TCIRG1: variants seen among roughly 807,000 people sequenced by gnomAD.
TCIRG1 encodes the protein V-type proton ATPase 116 kDa subunit a 3.
In TCIRG1, 86 loss-of-function variants were observed where a neutral mutation model predicts 95.5. The observed-to-expected ratio is 0.90, with a 90% CI of 0.76 to 1.08. The LOEUF is 1.08. Among genes scored for constraint, TCIRG1 ranks in the 50% least tolerant of loss-of-function variants. TCIRG1 has a pLI of 0.00. For missense variants in TCIRG1, 1,069 were observed against 1,140.2 expected, an observed-to-expected ratio of 0.94 and a Z score of 0.90; for synonymous variants, 499 against 501.3, an observed-to-expected ratio of 1.00 and a Z score of 0.06.
chr11:68,042,895 G>T, intron 4 of TCIRG1, 32 bp downstream of exon 4: 1 of 1,550,122 alleles, frequency 6.5e-7, no homozygotes, highest in East Asian at 2.4e-5. Flanking sequence ...AGACTGGGGG[G>T]CTGGGGAGGG....
chr11:68,041,391 G>T lies in TCIRG1; in HGVS notation c.117+3G>T. On this transcript the variant is annotated splice_donor_region_variant and intron_variant, in intron 2 of 19. Transcript: ENST00000265686. ...TGGGCCTCGTGGAGTTCAGAGACGTGAGTTGGGTGGGCAGGCGTGGGAAGG... is the reference window on the plus strand; with the variant it reads ...TGGGCCTCGTGGAGTTCAGAGACGTTAGTTGGGTGGGCAGGCGTGGGAAGG... The T allele has an allele frequency of 6.2e-7, 1 of 1,603,820 alleles. No homozygotes were observed. Among genetic ancestry groups the T allele is most frequent in the South Asian group, 1.1e-5 (1 of 90,914 alleles).
At position 68,047,260 on chromosome 11, in the gene TCIRG1, C is replaced by G. The variant is rs1037952339; in HGVS notation, c.1166-173C>G. On this transcript the variant is annotated intron_variant, in intron 10 of 19. Coordinates refer to ENST00000265686, the MANE Select transcript of TCIRG1 (RefSeq NM_006019.4). ...TCCTGACCTCGGGTGATGCCCCCCC[C>G]CCCCCCCGTCTCGGCCTCCCAGAGT... is the stretch of plus-strand genomic sequence containing the variant. 2.9e-3 allele frequency among the ~76,000 whole-genome samples: 302 copies of G among 104,462 alleles called. 49 individuals are homozygous for G. Among genetic ancestry groups the G allele is most frequent in the African/African-American group, 0.01 (258 of 25,736 alleles). 68.5% of individuals were successfully genotyped at this position (104,462 alleles called of 152,430 possible).
chr11:68,044,038 T>G lies in TCIRG1; in HGVS notation c.808-94T>G, dbSNP rs538969935. The G allele has an allele frequency of 2.1e-4, 281 of 1,314,828 alleles. 4 individuals are homozygous for G. The South Asian group carries it at 3.4e-3, about 16-fold the overall frequency. 81.4% of individuals were successfully genotyped at this position (1,314,828 alleles called of 1,614,324 possible). A position where few individuals can be genotyped will look rare whatever the true frequency, so the allele number is the denominator to read the frequency against. On this transcript the variant is annotated intron_variant, in intron 8 of 19. Transcript: ENST00000265686. ...GGTGCAGGAGGTGGGTGCCCTGGCC[T>G]GGCCTCCAGGAGGTGGGTGCAGGAG... is the stretch of plus-strand genomic sequence containing the variant.
At chr11:68,040,260 A>G (rs1855094108) in intron 1 of TCIRG1, among the ~76,000 whole-genome samples, 1 of 152,200 alleles carries the variant, frequency 6.6e-6, no homozygotes, top group South Asian at 2.1e-4. Flanking sequence ...CACACACCCA[A>G]TCTCAGCCTG....
downstream of TCIRG1, chr11:68,052,217 TG>T: frequency 6.6e-6 from 1 of 152,014 alleles, no homozygotes; most frequent in East Asian, 2.0e-4. Flanking sequence ...AGAGAAACGA[TG>T]GGCCAGGGCC....
chr11:68,040,874 C>T (rs982874418), intron 1 of TCIRG1, among the ~76,000 whole-genome samples: 2 of 152,192 alleles, frequency 1.3e-5, no homozygotes, highest in African/African-American at 4.8e-5. Flanking sequence ...CAGCCACCCC[C>T]GGGGCAGCCC....
intron 15 of TCIRG1, 143 bp from the exon 16 acceptor site, chr11:68,049,520 C>T (rs983662070): frequency 8.2e-7 from 1 of 1,224,788 alleles, no homozygotes; most frequent in Admixed American, 2.0e-5. Context: ...GGCAGACCCT[C>T]ACCCAGTGAG....
chr11:68,044,394 C>A, intron 9 of TCIRG1, 50 bp downstream of exon 9: 7 of 1,453,668 alleles, frequency 4.8e-6, no homozygotes, highest in Non-Finnish European at 6.5e-6. Context: ...TCCTACCAGG[C>A]CGGGGCGTTT....
At chr11:68,050,390 G>A (rs1855742283) in intron 18 of TCIRG1, 97 bp from the exon 19 acceptor site, 1 of 1,607,692 alleles carries the variant, frequency 6.2e-7, no homozygotes, top group Admixed American at 1.7e-5. Context: ...TCCCTCGCTG[G>A]CCCCCCGTGC....
At chr11:68,041,490 C>A in intron 2 of TCIRG1, 102 bp downstream of exon 2, 1 of 904,824 alleles carries the variant, frequency 1.1e-6, no homozygotes, top group Non-Finnish European at 1.7e-6. Context: ...GGGCCCTGGC[C>A]CCATTTGAAC....
intron 13 of TCIRG1, chr11:68,048,296 CT>C (rs1357199836): frequency 2.5e-5 from 11 of 447,560 alleles, no homozygotes; most frequent in East Asian, 4.7e-5. Context: ...TTTCTTTTTT[CT>C]TTTTTTTATT....
chr11:68,044,426 G>C, intron 9 of TCIRG1, 82 bp downstream of exon 9: 1 of 1,179,834 alleles, frequency 8.5e-7, no homozygotes, highest in Non-Finnish European at 1.2e-6. Flanking sequence ...CCAGCCTCTG[G>C]CTCCCTGCAC....
intron 14 of TCIRG1, 40 bp downstream of exon 14, chr11:68,049,037 G>C: frequency 6.2e-7 from 1 of 1,612,848 alleles, no homozygotes. Flanking sequence ...AGGCTGGCAG[G>C]CCAGAGTGGG....
At chr11:68,043,183 C>T in intron 5 of TCIRG1, 152 bp downstream of exon 5, 2 of 1,509,304 alleles carry the variant, frequency 1.3e-6, no homozygotes, top group Non-Finnish European at 1.8e-6. Flanking sequence ...CCCACAGTCC[C>T]AAGCCCTAGC....
rs887998539 is a variant in TCIRG1, at chr11:68,042,707, G to A, written c.261G>A (p.Pro87=). The A allele has an allele frequency of 4.5e-5, 70 of 1,545,882 alleles. No individual in the cohort carries two copies. Among genetic ancestry groups the A allele is most frequent in the Non-Finnish European group, 5.9e-5 (68 of 1,145,732 alleles). ...LVLPPPKGRL[P]APPPRDLLRI... ...TGCCCCCGCCAAAGGGGAGGCTGCC[G>A]GCACCCCCACCCCGGGACCTGCTGC... Residue 87 remains proline, a synonymous_variant, in exon 4 of 20, where the codon CCG becomes CCA. Transcript: ENST00000265686.
chr11:68,050,055 G>A lies in TCIRG1; in HGVS notation c.2107G>A (p.Glu703Lys). 1 of 1,613,300 alleles carries A rather than the reference G, an allele frequency of 6.2e-7. No homozygotes were observed. The highest frequency in any genetic ancestry group is 8.5e-7 in the Non-Finnish European group (1 of 1,179,890). ...EEKAGGLDDE[E>K]EAELVPSEVL... The stretch of plus-strand genomic sequence containing the variant: ...AAAGGCAGGGGGCCTGGATGATGAA[G>A]AGGAGGCCGAGGTGGGTGCAGTGCC... Residue 703 changes from glutamate to lysine, a missense_variant, in exon 17 of 20, where the codon GAG becomes AAG. Transcript: ENST00000265686.
chr11:68,047,284 G>A, intron 10 of TCIRG1, 149 bp from the exon 11 acceptor site: 2 of 370,492 alleles, frequency 5.4e-6, no homozygotes, highest in South Asian at 4.7e-5. Flanking sequence ...GCCTCCCAGA[G>A]TGCTGGGATT....
chr11:68,050,299 TCA>T (rs1268815484), intron 18 of TCIRG1, 45 bp downstream of exon 18: 7 of 1,602,012 alleles, frequency 4.4e-6, no homozygotes, highest in Non-Finnish European at 6.0e-6. Context: ...TCCTGGCTTC[TCA>T]CATACCGCTG....
At chr11:68,044,447 C>T in intron 9 of TCIRG1, 103 bp downstream of exon 9, 1 of 926,214 alleles carries the variant, frequency 1.1e-6, no homozygotes. Flanking sequence ...CTGGGCTTTG[C>T]CTAGGGGCTC....
Sources: gnomAD v4.1 joint callset for allele counts (sites outside exome capture counted in the v4.1 genomes callset) on GRCh38, gnomAD v4.1.1 for gene constraint, MANE v1.5 for transcripts, NCBI Gene and HGNC (gene_info 2026-07-23, HGNC 2026-07-21) for gene names.